The following LRWD1 variants were observed in gnomAD, a reference collection of about 807,000 sequenced individuals.
LRWD1 encodes leucine-rich repeat and WD repeat-containing protein 1.
A neutral mutation model predicts 75.6 loss-of-function variants in LRWD1; 76 were observed. That is an observed-to-expected ratio of 1.01 (90% CI 0.84 to 1.22). The LOEUF (loss-of-function observed/expected upper bound fraction) is 1.22. Ranked by LOEUF, LRWD1 falls within the 50% of genes most tolerant of loss-of-function variation. The pLI is 0.00. For missense variants in LRWD1, 917 were observed against 862.0 expected (o/e 1.06, Z -0.80); for synonymous variants, 487 against 377.0 (o/e 1.29, Z -3.38).
At chr7:102,466,744 G>T (rs1201354764) in intron 3 of LRWD1, among the ~76,000 whole-genome samples, 1 of 138,584 alleles carries the variant, frequency 7.2e-6, no homozygotes, top group East Asian at 2.0e-4. Flanking sequence ...CTTTTTCTGG[G>T]GTGTTTCTTT....
chr7:102,467,561 A>AG, intron 4 of LRWD1, 82 bp downstream of exon 4: 1 of 1,578,658 alleles, frequency 6.3e-7, no homozygotes, highest in Non-Finnish European at 8.6e-7. Flanking sequence ...TGAAGGGCTG[A>AG]GGGGCTGTGG....
In LRWD1 at chr7:102,473,123, G is replaced by C. The variant is rs1267647573; in HGVS notation, c.*74G>C. The C allele has an allele frequency of 5.5e-6, 8 of 1,444,780 alleles. No homozygotes were observed. In the Admixed American group the frequency reaches 6.6e-5, roughly 12 times the overall value. The allele number at this position is 1,444,780 out of a possible 1,614,324, so 89.5% of individuals were successfully genotyped here. A position where few individuals can be genotyped will look rare whatever the true frequency, so the allele number is the denominator to read the frequency against. On this transcript the variant is annotated 3_prime_UTR_variant, in exon 15 of 15. Coordinates refer to ENST00000292616, the MANE Select transcript of LRWD1 (RefSeq NM_152892.3). ...GCTTTGGGCCGATGGGGGTGGGGGG[G>C]GGTCTTTCAGTGAATATTTTTATTA...
intron 11 of LRWD1, chr7:102,470,234 G>T: frequency 4.6e-6 from 1 of 217,320 alleles, no homozygotes. Context: ...GGGGCCGATG[G>T]CTAGCGGAGG....
At position 102,466,041 on chromosome 7, in the gene LRWD1, C is replaced by G. The variant is rs1797964292; in HGVS notation, c.305C>G (p.Pro102Arg). 1 of 1,614,074 alleles carries G rather than the reference C, an allele frequency of 6.2e-7. No individual in the cohort carries two copies. Among genetic ancestry groups the G allele is most frequent in the Non-Finnish European group, 8.5e-7 (1 of 1,180,012 alleles). ...KLEELSLEGN[P>R]FLTVNDNLKV... is the part of the protein sequence containing the mutation. Reference sequence around the variant, plus strand: ...GAGGAACTCAGCCTGGAGGGCAACCCCTTCCTGACGGTAAGTGGGAGCCTC... The same window carrying G: ...GAGGAACTCAGCCTGGAGGGCAACCGCTTCCTGACGGTAAGTGGGAGCCTC... The change falls in exon 2 of 15, where the codon CCC (proline) becomes CGC (arginine). Residue 102 changes from proline to arginine, a missense_variant. By Grantham distance (103) the Pro-to-Arg change is moderately radical. Transcript: ENST00000292616.
chr7:102,466,352 T>C, intron 3 of LRWD1, 82 bp downstream of exon 3: 1 of 1,133,870 alleles, frequency 8.8e-7, no homozygotes. Context: ...CAGGAGGATG[T>C]TGAGGAGGGT....
At chr7:102,467,160 GGT>G (rs147361915) in intron 3 of LRWD1, among the ~76,000 whole-genome samples, 177 bp from the exon 4 acceptor site, 10,191 of 36,922 alleles carry the variant, frequency 0.28, 1,098 homozygotes, top group Non-Finnish European at 0.31. Flanking sequence ...TTGTTGCTGG[GGT>G]GTGTGTGGGG....
intron 11 of LRWD1, chr7:102,471,883 T>C: frequency 3.4e-6 from 1 of 297,140 alleles, no homozygotes; most frequent in Middle Eastern, 1.2e-3. Flanking sequence ...CTGCTCTACT[T>C]GGCTGCCAGG....
chr7:102,467,540 GTC>G (rs1251712245), intron 4 of LRWD1, 61 bp downstream of exon 4: 13 of 1,595,664 alleles, frequency 8.1e-6, no homozygotes, highest in African/African-American at 1.3e-5. Flanking sequence ...CTGCCTGGAG[GTC>G]CCTGGCCATG....
At position 102,465,488 on chromosome 7, in the gene LRWD1, GCTTTTTTTTTTTTTTTTTTTTT is replaced by G. The variant is rs1172797847; in HGVS notation, c.81-328_81-307del. On this transcript the variant is annotated intron_variant, in intron 1 of 14. Transcript: ENST00000292616. ...GCCCCCGAGTCCTAAAGTAGTTGCA[GCTTTTTTTTTTTTTTTTTTTTT>G]TTTTTTTTTTTTTTTGTTAAGTGGT... is the stretch of plus-strand genomic sequence containing the variant. 1.0e-3 allele frequency: 113 copies of G among 108,044 alleles called. 11 individuals are homozygous for G. Among genetic ancestry groups the G allele is most frequent in the African/African-American group, 5.3e-3 (105 of 19,954 alleles). The allele number at this position is 108,044 out of a possible 1,614,324, so 6.7% of individuals were successfully genotyped here. A position where few individuals can be genotyped will look rare whatever the true frequency, so the allele number is the denominator to read the frequency against.
intron 11 of LRWD1, chr7:102,471,832 A>G (rs1798199209): frequency 9.2e-6 from 2 of 218,022 alleles, no homozygotes; most frequent in African/African-American, 2.4e-5. Flanking sequence ...GAGTCAGAGC[A>G]GATGCCCCCA....
In LRWD1 at chr7:102,465,488, GCTTTTTTTT is replaced by G. The variant is rs1213537657; in HGVS notation, c.81-328_81-320del. On this transcript the variant is annotated intron_variant, in intron 1 of 14. Transcript: ENST00000292616. ...GCCCCCGAGTCCTAAAGTAGTTGCAGCTTTTTTTTTTTTTTTTTTTTTTTTTTTTTTTTT... is the reference window on the plus strand; with the variant it reads ...GCCCCCGAGTCCTAAAGTAGTTGCAGTTTTTTTTTTTTTTTTTTTTTTTTT... 331 of 108,034 alleles carry G rather than the reference GCTTTTTTTT, an allele frequency of 3.1e-3. 104 individuals are homozygous for G. Among genetic ancestry groups the G allele is most frequent in the South Asian group, 7.7e-3 (53 of 6,886 alleles). 6.7% of individuals were successfully genotyped at this position (108,034 alleles called of 1,614,324 possible). A position where few individuals can be genotyped will look rare whatever the true frequency, so the allele number is the denominator to read the frequency against.
intron 14 of LRWD1, 52 bp from the exon 15 acceptor site, chr7:102,472,857 C>T: frequency 6.2e-7 from 1 of 1,611,664 alleles, no homozygotes; most frequent in Non-Finnish European, 8.5e-7. Context: ...ATCAGGGGCC[C>T]TGCCTTTGGT....
intron 8 of LRWD1, 74 bp downstream of exon 8, chr7:102,468,728 C>A: frequency 2.0e-6 from 3 of 1,526,844 alleles, no homozygotes; most frequent in East Asian, 4.9e-5. Context: ...GGGATGGATG[C>A]AGGCTCGGCC....
intron 9 of LRWD1, among the ~76,000 whole-genome samples, chr7:102,469,332 T>G (rs1798116655): frequency 6.6e-6 from 1 of 152,184 alleles, no homozygotes; most frequent in South Asian, 2.1e-4. Context: ...CCCCCGGGTG[T>G]GGCGCCCCTG....
In LRWD1 at chr7:102,467,405, G is replaced by C. The variant is rs1411716337; in HGVS notation, c.499G>C (p.Ala167Pro). 1.2e-6 allele frequency: 2 copies of C among 1,613,848 alleles called. No homozygotes were observed. Among genetic ancestry groups the C allele is most frequent in the African/African-American group, 2.7e-5 (2 of 74,968 alleles). ...GPEEEAEKAQ[A>P]DFVKSAVRDV... is the part of the protein sequence containing the mutation. ...TGAAGAGGAGGCTGAGAAGGCCCAG[G>C]CGGACTTTGTGAAGTCGGCTGTCAG... Residue 167 changes from alanine to proline, a missense_variant, in exon 4 of 15, where the codon GCG becomes CCG. By Grantham distance (27) the Ala-to-Pro change is conservative. Coordinates refer to ENST00000292616, the MANE Select transcript of LRWD1 (RefSeq NM_152892.3).
chr7:102,468,120 A>C lies in LRWD1; in HGVS notation c.737A>C (p.Lys246Thr). ...GTCCCACTCAGCCTCTCTCCCAGCA[A>C]GCGGGCGTGTGCCTCCCCGTCGGCC... ...DDVPLSLSPS[K>T]RACASPSAQV... Residue 246 changes from lysine to threonine, a missense_variant, in exon 6 of 15, where the codon AAG (lysine) becomes ACG (threonine). Coordinates refer to ENST00000292616, the MANE Select transcript of LRWD1 (RefSeq NM_152892.3). The C allele has an allele frequency of 1.2e-6, 2 of 1,610,344 alleles. No homozygotes were observed. The highest frequency in any genetic ancestry group is 1.7e-6 in the Non-Finnish European group (2 of 1,179,278).
rs767248735 is a variant in LRWD1 at position 102,468,954 on chromosome 7, G to C, written c.1120G>C (p.Val374Leu). 3.7e-6 allele frequency: 6 copies of C among 1,612,580 alleles called. No individual in the cohort carries two copies. In the East Asian group the frequency reaches 6.7e-5, roughly 18 times the overall value. Residue 374 changes from valine to leucine, a missense_variant, in exon 9 of 15, where the codon GTC becomes CTC. Val to Leu is a conservative substitution (Grantham distance 32). Transcript: ENST00000292616. ...GGCGGCTGCAGGCCTACGGGGCCTG[G>C]TCCGGCTGCTGCACGTGCGTGCCGG... ...VLAAAGLRGL[V>L]RLLHVRAGFC...
At position 102,472,996 on chromosome 7, in the gene LRWD1, T is replaced by C. The variant is rs1586746447; in HGVS notation, c.1891T>C (p.Tyr631His). The change falls in exon 15 of 15, where the codon TAC (tyrosine) becomes CAC (histidine). Residue 631 changes from tyrosine to histidine, a missense_variant. Physicochemically the swap from Tyr to His is moderately conservative, Grantham distance 83 (BLOSUM62 2). Coordinates refer to ENST00000292616, the MANE Select transcript of LRWD1 (RefSeq NM_152892.3). ...NTVVANASFT[Y>H]LTALTDSNIV... ...AGTGGTGGCCAATGCCTCCTTCACC[T>C]ACCTCACCGCCCTGACGGACTCCAA... 1 of 1,613,304 alleles carries C rather than the reference T, an allele frequency of 6.2e-7. No individual in the cohort carries two copies. The highest frequency in any genetic ancestry group is 2.2e-5 in the East Asian group (1 of 44,806).
rs1341294266 is a variant in LRWD1, at chr7:102,469,615, G to T, written c.1270G>T (p.Val424Leu). The stretch of plus-strand genomic sequence containing the variant: ...GCGGATCATCCTCTGGGACATCGGG[G>T]TGCCCAACCAGGACTACGAATTCCA... ...DKRIILWDIG[V>L]PNQDYEFQAS... Residue 424 changes from valine (V) to leucine (L), a missense_variant, in exon 10 of 15, where the codon GTG becomes TTG. Coordinates refer to ENST00000292616, the MANE Select transcript of LRWD1 (RefSeq NM_152892.3). 7 of 1,614,080 alleles carry T rather than the reference G, an allele frequency of 4.3e-6. No individual in the cohort carries two copies. The highest frequency in any genetic ancestry group is 3.3e-5 in the South Asian group (3 of 91,086).
Sources: allele counts gnomAD v4.1 joint callset (sites outside exome capture counted in the v4.1 genomes callset), GRCh38; gene constraint gnomAD v4.1.1; transcripts MANE v1.5; gene names NCBI Gene and HGNC (gene_info 2026-07-23, HGNC 2026-07-21).